The following ARSL variants were observed in gnomAD, a reference collection of about 807,000 sequenced individuals.
ARSL encodes arylsulfatase L, also known as arylsulfatase E (chondrodysplasia punctata 1).
In ARSL, 4 loss-of-function variants were observed where a neutral mutation model predicts 31.1. That is an observed-to-expected ratio of 0.13 (90% CI 0.06 to 0.29). ARSL has a LOEUF of 0.29. ARSL is among the 10% of genes least tolerant of loss of function. ARSL has a pLI of 1.00. For missense variants in ARSL, 312 were observed against 497.8 expected (o/e 0.63, Z 3.55); for synonymous variants, 198 against 209.9 (o/e 0.94, Z 0.49).
At chrX:2,953,872 C>T (rs189501427) in intron 4 of ARSL, among the ~76,000 whole-genome samples, 42 of 110,616 alleles carry the variant, frequency 3.8e-4, no homozygotes, top group African/African-American at 1.3e-3. Flanking sequence ...GGGCTCATCA[C>T]CATGCCTAGC....
intron 4 of ARSL, among the ~76,000 whole-genome samples, chrX:2,953,944 C>T (rs1269913545): frequency 9.0e-6 from 1 of 111,202 alleles, no homozygotes; most frequent in Non-Finnish European, 1.9e-5. Context: ...TGGTCTTGAA[C>T]TCCTAGACTC....
At position 2,949,063 on chromosome X, in the gene ARSL, C is replaced by T. The variant is rs749888318; in HGVS notation, c.854+241G>A. On this transcript the variant is annotated intron_variant, in intron 6 of 10. Transcript: ENST00000381134. ...TCAGCCTCCCGAGTAGCTGGGATTA[C>T]AGGCATGCACCTGTAAAGCCCCACA... Among the ~76,000 whole-genome samples the T allele has an allele frequency of 2.7e-5, 3 of 110,864 alleles. No individual in the cohort carries two copies. The South Asian group carries it at 1.2e-3, about 44-fold the overall frequency.
chrX:2,940,655 A>G (rs5982931), intron 8 of ARSL, among the ~76,000 whole-genome samples: 4,093 of 109,717 alleles, frequency 0.037, 185 homozygotes, highest in African/African-American at 0.13. Flanking sequence ...GTGGTGGACC[A>G]CATGTGGTGG....
intron 2 of ARSL, among the ~76,000 whole-genome samples, chrX:2,958,713 G>A (rs915278284): frequency 9.0e-6 from 1 of 111,694 alleles, no homozygotes; most frequent in Non-Finnish European, 1.9e-5. Flanking sequence ...TTGGTGGGGT[G>A]CAGTGGCTCT....
At chrX:2,952,627 C>T (rs766557922) in intron 5 of ARSL, among the ~76,000 whole-genome samples, 2 of 111,701 alleles carry the variant, frequency 1.8e-5, no homozygotes, top group Admixed American at 1.9e-4. Context: ...CAGCACTAAA[C>T]TAGCCAAGTT....
intron 7 of ARSL, among the ~76,000 whole-genome samples, chrX:2,945,186 C>T (rs1462320838): frequency 9.1e-6 from 1 of 110,461 alleles, no homozygotes; most frequent in Non-Finnish European, 1.9e-5. Flanking sequence ...GGAAGCATTC[C>T]AGGAGGGAAC....
intron 4 of ARSL, among the ~76,000 whole-genome samples, chrX:2,954,381 C>T (rs997834380): frequency 2.7e-5 from 3 of 111,796 alleles, no homozygotes; most frequent in Middle Eastern, 4.7e-3. Context: ...CTGCAATCTC[C>T]GCCTCCCGGG....
chrX:2,952,946 C>T, intron 5 of ARSL, 197 bp downstream of exon 5: 1 of 396,868 alleles, frequency 2.5e-6, no homozygotes, highest in Non-Finnish European at 4.2e-6. Context: ...CATGAGCCAC[C>T]TTGCCTGAGC....
At chrX:2,967,466 G>A (rs940990782), upstream of ARSL, among the ~76,000 whole-genome samples, 1 of 111,386 alleles carries the variant, frequency 9.0e-6, no homozygotes, top group African/African-American at 3.3e-5. Flanking sequence ...GGGCGCGGTG[G>A]CTCACACTTG....
Position 2,936,384 on chromosome X carries a change from G to A in ARSL, c.1411+358C>T, listed in dbSNP as rs531545141. ...CACATGTGTGTGCAAGCATGTGTGC[G>A]TGCGTGTGTGTATGCATGCACATAC... On this transcript the variant is annotated intron_variant, in intron 10 of 10. Transcript: ENST00000381134. 3.8e-4 allele frequency among the ~76,000 whole-genome samples: 42 copies of A among 111,442 alleles called. No homozygotes were observed. The South Asian group carries it at 0.015, about 40-fold the overall frequency.
chrX:2,944,833 TG>T (rs1408584082), intron 7 of ARSL, among the ~76,000 whole-genome samples: 2 of 110,237 alleles, frequency 1.8e-5, no homozygotes, highest in African/African-American at 6.6e-5. Context: ...TATATTCCCC[TG>T]GGGGAAATGG....
intron 5 of ARSL, among the ~76,000 whole-genome samples, chrX:2,951,636 GA>G (rs1426945466): frequency 1.2e-5 from 1 of 86,685 alleles, no homozygotes; most frequent in Non-Finnish European, 2.3e-5. Context: ...AAAAAAAAAA[GA>G]AAAAAAAGAA....
chrX:2,953,414 G>A, intron 4 of ARSL, 149 bp from the exon 5 acceptor site: 2 of 659,434 alleles, frequency 3.0e-6, no homozygotes, highest in South Asian at 5.8e-5. Flanking sequence ...ACTTTGCCTA[G>A]TGGATTGCAT....
At chrX:2,945,504 C>A (rs138563698) in intron 7 of ARSL, among the ~76,000 whole-genome samples, 184 of 111,659 alleles carry the variant, frequency 1.6e-3, no homozygotes, top group African/African-American at 5.7e-3. Flanking sequence ...CTTGGGAATT[C>A]AGACGTGGAA....
rs199779808 is a variant in ARSL at position 2,958,642 on chromosome X, G to GT, written c.24-208dup. On this transcript the variant is annotated intron_variant, in intron 2 of 10. Transcript: ENST00000381134. ...TTTATTTGGCCTTGAAGTTTTTTGG[G>GT]TTTTTTTTGATGCTGTAAAGTCTGT... Among the ~76,000 whole-genome samples the GT allele has an allele frequency of 4.1e-4, 45 of 111,045 alleles. 1 individual carries two copies. In the South Asian group the frequency reaches 0.012, roughly 29 times the overall value.
chrX:2,961,894 T>G (rs2089642623), intron 1 of ARSL, among the ~76,000 whole-genome samples: 1 of 107,709 alleles, frequency 9.3e-6, no homozygotes, highest in African/African-American at 3.4e-5. Flanking sequence ...CTTTTTTATT[T>G]TTTTGAGACG....
At chrX:2,950,497 G>A (rs1202213756) in intron 5 of ARSL, among the ~76,000 whole-genome samples, 1 of 111,563 alleles carries the variant, frequency 9.0e-6, no homozygotes, top group Non-Finnish European at 1.9e-5. Context: ...TGTGTCAAGA[G>A]TGGAGCCAGG....
intron 10 of ARSL, among the ~76,000 whole-genome samples, chrX:2,936,382 G>A (rs752340893): frequency 3.6e-5 from 4 of 111,464 alleles, no homozygotes; most frequent in Non-Finnish European, 7.5e-5. Context: ...AAGCATGTGT[G>A]CGTGCGTGTG....
chrX:2,940,573 CG>C (rs763490954), intron 8 of ARSL, among the ~76,000 whole-genome samples: 167 of 111,008 alleles, frequency 1.5e-3, no homozygotes, highest in African/African-American at 5.3e-3. Flanking sequence ...GATGTTAGCA[CG>C]GGGGAAAAGG....
Sources: gnomAD v4.1 joint callset for allele counts (sites outside exome capture counted in the v4.1 genomes callset) on GRCh38, gnomAD v4.1.1 for gene constraint, MANE v1.5 for transcripts, NCBI Gene and HGNC (gene_info 2026-07-23, HGNC 2026-07-21) for gene names.